DUSP4: variants seen among roughly 807,000 people sequenced by gnomAD.
DUSP4 encodes dual specificity protein phosphatase 4.
DUSP4 carries 12 observed loss-of-function variants against 27.2 expected under a neutral mutation model. That is an observed-to-expected ratio of 0.44 (90% CI 0.28 to 0.71). The LOEUF is 0.71. DUSP4 is among the 30% of genes least tolerant of loss of function. The pLI is 0.14. For synonymous variants in DUSP4, 257 were observed against 245.2 expected (o/e 1.05, Z -0.45); for missense variants, 448 against 551.3 (o/e 0.81, Z 1.88).
intron 1 of DUSP4, chr8:29,345,910 C>T (rs1026203091): frequency 2.7e-5 from 22 of 800,594 alleles, no homozygotes; most frequent in Non-Finnish European, 3.0e-5. Context: ...CTGTCATGGG[C>T]ATTGTATTAC....
At position 29,350,155 on chromosome 8, in the gene DUSP4, C is replaced by T; in HGVS notation, c.124G>A (p.Gly42Ser). The T allele has an allele frequency of 6.2e-7, 1 of 1,609,668 alleles. No individual in the cohort carries two copies. ...GSHGTLGLPSGGKCLLLDCRP... is the reference protein window; with the variant it reads ...GSHGTLGLPSSGKCLLLDCRP... Reference sequence around the variant, plus strand: ...CAGTCCAGCAGCAGGCACTTGCCGCCGCTCGGCAGCCCCAGGGTGCCGTGG... The same window carrying T: ...CAGTCCAGCAGCAGGCACTTGCCGCTGCTCGGCAGCCCCAGGGTGCCGTGG... The change falls in exon 1 of 4, where the codon GGC becomes AGC. Residue 42 changes from glycine (G) to serine (S), a missense_variant. By Grantham distance (56) the Gly-to-Ser change is moderately conservative. Coordinates refer to ENST00000240100, the MANE Select transcript of DUSP4 (RefSeq NM_001394.7).
chr8:29,336,379 G>T lies in DUSP4; in HGVS notation c.*647C>A, dbSNP rs996671499. On this transcript the variant is annotated 3_prime_UTR_variant, in exon 4 of 4. Coordinates refer to ENST00000240100, the MANE Select transcript of DUSP4 (RefSeq NM_001394.7). ...ACTGCCTTGACATCTGCATGCTACG[G>T]TGCTCAGCTGTTTGACATCAACATA... 3.9e-5 allele frequency: 6 copies of T among 152,132 alleles called. No homozygotes were observed. The highest frequency in any genetic ancestry group is 7.3e-5 in the Non-Finnish European group (5 of 68,078). The allele number at this position is 152,132 out of a possible 1,614,324, so 9.4% of individuals were successfully genotyped here.
intron 1 of DUSP4, among the ~76,000 whole-genome samples, chr8:29,343,891 C>T (rs1817689780): frequency 6.6e-6 from 1 of 152,170 alleles, no homozygotes; most frequent in South Asian, 2.1e-4. Flanking sequence ...AGGTGACTTC[C>T]ACTCAGTCCC....
At position 29,337,305 on chromosome 8, in the gene DUSP4, C is replaced by T. The variant is rs373637449; in HGVS notation, c.906G>A (p.Arg302=). ...TAACGAACTCGAAGGCCTCCTCCAGCCTCACCCGTTTCTTCATCATCAGGT... is the reference window on the plus strand; with the variant it reads ...TAACGAACTCGAAGGCCTCCTCCAGTCTCACCCGTTTCTTCATCATCAGGT... The part of the protein sequence containing the change: ...LAYLMMKKRV[R]LEEAFEFVKQ... Residue 302 remains arginine, a synonymous_variant, in exon 4 of 4, where the codon AGG becomes AGA. Transcript: ENST00000240100. This position sits in a 1 kb window ranked among gnomAD's most constrained non-coding sequence, Gnocchi z 6.4. 9 of 1,613,148 alleles carry T rather than the reference C, an allele frequency of 5.6e-6. No individual in the cohort carries two copies. In the African/African-American group the frequency reaches 9.3e-5, roughly 17 times the overall value.
rs542069200 is a variant in DUSP4, at chr8:29,338,484, G to C, written c.597C>G (p.Ile199Met). The C allele has an allele frequency of 1.2e-6, 2 of 1,613,422 alleles. No homozygotes were observed. Among genetic ancestry groups the C allele is most frequent in the East Asian group, 4.5e-5 (2 of 44,888 alleles). ...PLHDQGGPVE[I>M]LPFLYLGSAY... is the part of the protein sequence containing the mutation. ...CACTGCCGAGGTAGAGGAAGGGAAG[G>C]ATCTCCACAGGACCCCCCTGCACAG... The change falls in exon 3 of 4, where the codon ATC becomes ATG. Residue 199 changes from isoleucine (I) to methionine (M), a missense_variant. This residue lies in a region of DUSP4 where 345 missense variants were observed against 394.0 expected (regional missense o/e 0.88). Transcript: ENST00000240100.
At chr8:29,348,768 G>C (rs986516341) in intron 1 of DUSP4, 1 of 985,298 alleles carries the variant, frequency 1.0e-6, no homozygotes, top group Admixed American at 6.1e-5. Context: ...CGGGGGGGAG[G>C]AGCGGCTCTT....
intron 1 of DUSP4, 63 bp downstream of exon 1, chr8:29,349,783 C>G: frequency 7.0e-7 from 1 of 1,426,242 alleles, no homozygotes; most frequent in Non-Finnish European, 9.1e-7. Flanking sequence ...GCCAATAAGG[C>G]GCAGGCCGCC....
intron 2 of DUSP4, 150 bp from the exon 3 acceptor site, chr8:29,338,651 T>G (rs375329075): frequency 4.6e-5 from 39 of 848,098 alleles, no homozygotes; most frequent in East Asian, 2.9e-4. Context: ...CCCTGTAGCC[T>G]CCTGGAACTC....
chr8:29,343,379 G>A (rs1817683592), intron 1 of DUSP4, among the ~76,000 whole-genome samples: 1 of 152,120 alleles, frequency 6.6e-6, no homozygotes, highest in Admixed American at 6.5e-5. Context: ...GTTCTGGGCT[G>A]GTGGAGCCCG....
In DUSP4 at chr8:29,335,089, A is replaced by T. The variant is rs1010296629; in HGVS notation, c.*1937T>A. 3 of 151,964 alleles carry T rather than the reference A, an allele frequency of 2.0e-5. No homozygotes were observed. The highest frequency in any genetic ancestry group is 4.8e-5 in the African/African-American group (2 of 41,372). 9.4% of individuals were successfully genotyped at this position (151,964 alleles called of 1,614,324 possible). A position where few individuals can be genotyped will look rare whatever the true frequency, so the allele number is the denominator to read the frequency against. ...ATTAGATGTAGACTCTCAAAGGGCT[A>T]AAAAAAACCATGCTCTCACTTCTAG... On this transcript the variant is annotated 3_prime_UTR_variant, in exon 4 of 4. Transcript: ENST00000240100.
chr8:29,342,797 G>T (rs1237996463), intron 1 of DUSP4, among the ~76,000 whole-genome samples: 1 of 152,206 alleles, frequency 6.6e-6, no homozygotes, highest in African/African-American at 2.4e-5. Flanking sequence ...TCTGGAAAAG[G>T]CACCATTAGA....
rs1587055404 is a variant in DUSP4, at chr8:29,350,269, T to A, written c.10A>T (p.Met4Leu). Residue 4 changes from methionine to leucine, a missense_variant, in exon 1 of 4, where the codon ATG becomes TTG. Transcript: ENST00000240100. ...CAGTCCATCTCCCGCAGCTCCTCCA[T>A]CGTCACCATGGTCGCCGGGAACCGA... is the stretch of plus-strand genomic sequence containing the variant. MVT[M>L]EELREMDCSV... 1 of 1,578,928 alleles carries A rather than the reference T, an allele frequency of 6.3e-7. No individual in the cohort carries two copies. Among genetic ancestry groups the A allele is most frequent in the African/African-American group, 1.4e-5 (1 of 73,840 alleles).
rs751288690 is a variant in DUSP4, at chr8:29,340,110, T to G, written c.567A>C (p.Pro189=). ...CCCCCGAGTCTACCTGGTCGTGTAG[T>G]GGGGTCCCACAGGAGCTGCAGCCCA... ...LDLGCSSCGT[P]LHDQGGPVEI... Residue 189 remains proline, a synonymous_variant, in exon 2 of 4, where the codon CCA becomes CCC. Coordinates refer to ENST00000240100, the MANE Select transcript of DUSP4 (RefSeq NM_001394.7). 1 of 1,577,396 alleles carries G rather than the reference T, an allele frequency of 6.3e-7. No homozygotes were observed.
rs557956425 is a variant in DUSP4, at chr8:29,340,154, C to T, written c.523G>A (p.Ala175Thr). Residue 175 changes from alanine to threonine, a missense_variant, in exon 2 of 4, where the codon GCC becomes ACC. By Grantham distance (58) the Ala-to-Thr change is moderately conservative (BLOSUM62 0). This residue lies in a region of DUSP4 where 345 missense variants were observed against 394.0 expected (regional missense o/e 0.88). Transcript: ENST00000240100. ...CAGCCCAGGTCCAAGGGCTCTGTGG[C>T]ACTGGGGGGAACCGGGGGTGGGATG... ...AAIPPPVPPS[A>T]TEPLDLGCSS... is the part of the protein sequence containing the mutation. 27 of 1,608,620 alleles carry T rather than the reference C, an allele frequency of 1.7e-5. No individual in the cohort carries two copies. Among genetic ancestry groups the T allele is most frequent in the Admixed American group, 5.1e-5 (3 of 58,976 alleles).
Position 29,350,010 on chromosome 8 carries a change from T to C in DUSP4, c.269A>G (p.Glu90Gly), listed in dbSNP as rs746664219. Reference protein sequence around the residue: ...SVSLEQILPAEEEVRARLRSG... With the variant: ...SVSLEQILPAGEEVRARLRSG... ...GCGCAAGCGGGCGCGTACCTCCTCC[T>C]CGGCGGGCAGGATCTGCTCCAGGCT... Residue 90 changes from glutamate (E) to glycine (G), a missense_variant, in exon 1 of 4, where the codon GAG becomes GGG. Physicochemically the swap from Glu to Gly is moderately conservative, Grantham distance 98. Coordinates refer to ENST00000240100, the MANE Select transcript of DUSP4 (RefSeq NM_001394.7). 21 of 1,594,814 alleles carry C rather than the reference T, an allele frequency of 1.3e-5. No individual in the cohort carries two copies. The highest frequency in any genetic ancestry group is 1.8e-5 in the Non-Finnish European group (21 of 1,172,574).
At chr8:29,349,054 G>A (rs761880684) in intron 1 of DUSP4, among the ~76,000 whole-genome samples, 2 of 152,242 alleles carry the variant, frequency 1.3e-5, no homozygotes, top group Admixed American at 6.5e-5. Flanking sequence ...TCTCGCCGCC[G>A]AGAGTTTCGC....
intron 1 of DUSP4, chr8:29,348,816 C>G: frequency 3.0e-6 from 3 of 984,860 alleles, no homozygotes; most frequent in Non-Finnish European, 3.6e-6. Flanking sequence ...CTACCGGGCT[C>G]GGAAGCGCAG....
chr8:29,340,211 C>G lies in DUSP4; in HGVS notation c.466G>C (p.Glu156Gln), dbSNP rs767449294. 9.9e-6 allele frequency: 16 copies of G among 1,613,188 alleles called. No individual in the cohort carries two copies. The highest frequency in any genetic ancestry group is 7.7e-5 in the South Asian group (7 of 90,948). The change falls in exon 2 of 4, where the codon GAA (glutamate) becomes CAA (glutamine). Residue 156 changes from glutamate (E) to glutamine (Q), a missense_variant. Glu to Gln is a conservative substitution (Grantham distance 29). Around this residue, in one of 3 missense-constraint regions of DUSP4, gnomAD observed 345 missense variants for 394.0 expected, o/e 0.88. Transcript: ENST00000240100. ...GYERFSSEYP[E>Q]FCSKTKALAA... The stretch of plus-strand genomic sequence containing the variant: ...AGGGCCTTGGTTTTAGAACAGAATT[C>G]TGGGTACTCGGAGGAAAACCTCTCA...
intron 1 of DUSP4, among the ~76,000 whole-genome samples, chr8:29,347,510 T>C (rs1176584880): frequency 6.6e-6 from 1 of 152,152 alleles, no homozygotes; most frequent in African/African-American, 2.4e-5. Context: ...ACCTCTCAAT[T>C]TTAGGTGCTT....
Sources: allele counts gnomAD v4.1 joint callset (sites outside exome capture counted in the v4.1 genomes callset), GRCh38; gene constraint gnomAD v4.1.1; regional missense constraint gnomAD v4.1.1; non-coding constraint Gnocchi (gnomAD v3.1); transcripts MANE v1.5; gene names NCBI Gene and HGNC (gene_info 2026-07-23, HGNC 2026-07-21).